PCDH15: variants seen among roughly 807,000 people sequenced by gnomAD.
The protein encoded by PCDH15 is protocadherin related 15.
In PCDH15, 129 loss-of-function variants were observed where a neutral mutation model predicts 178.5. The ratio of observed to expected loss-of-function variants is 0.72; its 90% confidence interval spans 0.63 to 0.84. PCDH15 has a LOEUF of 0.84. PCDH15 is among the 40% of genes least tolerant of loss of function. PCDH15 has a pLI of 0.00. For missense variants in PCDH15, 2,230 were observed against 2,099.9 expected, an observed-to-expected ratio of 1.06 and a Z score of -1.21; for synonymous variants, 800 against 732.0, an observed-to-expected ratio of 1.09 and a Z score of -1.50.
At chr10:55,442,470 T>TATTATATATATATAATA (rs5785132) in intron 2 of PCDH15, among the ~76,000 whole-genome samples, 1 of 124,698 alleles carries the variant, frequency 8.0e-6, no homozygotes, top group African/African-American at 3.2e-5. Flanking sequence ...TATATATATA[T>TATTATATATATATAATA]TATATATATA....
At chr10:54,014,717 C>T (rs774496961) in intron 20 of PCDH15, among the ~76,000 whole-genome samples, 21 of 152,108 alleles carry the variant, frequency 1.4e-4, no homozygotes, top group Non-Finnish European at 2.9e-4. Flanking sequence ...CACATACTTT[C>T]ATGTTAAGAA....
At chr10:54,099,511 A>ATATATAT (rs2094766657) in intron 15 of PCDH15, among the ~76,000 whole-genome samples, 1 of 126,804 alleles carries the variant, frequency 7.9e-6, no homozygotes, top group African/African-American at 3.3e-5. Flanking sequence ...AAAAAAAAAA[A>ATATATAT]AAATATATAT....
At chr10:54,219,837 C>T (rs910337141) in intron 9 of PCDH15, among the ~76,000 whole-genome samples, 1 of 151,722 alleles carries the variant, frequency 6.6e-6, no homozygotes, top group Non-Finnish European at 1.5e-5. Flanking sequence ...TCAGAATGCT[C>T]TAAAAATAGT....
intron 2 of PCDH15, among the ~76,000 whole-genome samples, chr10:55,518,912 G>A (rs1217830330): frequency 6.6e-6 from 1 of 151,626 alleles, no homozygotes; most frequent in African/African-American, 2.4e-5. Context: ...GGCCAACATG[G>A]TGAAACCCCG....
intron 16 of PCDH15, 56 bp from the exon 17 acceptor site, chr10:54,079,480 G>C: frequency 2.0e-6 from 3 of 1,493,202 alleles, no homozygotes; most frequent in Admixed American, 1.7e-5. Context: ...GTCACAAGGA[G>C]AGTCTTCTTA....
chr10:55,457,491 G>A (rs1036197500), intron 2 of PCDH15, among the ~76,000 whole-genome samples: 3 of 151,964 alleles, frequency 2.0e-5, no homozygotes, highest in South Asian at 2.1e-4. Flanking sequence ...ACAGTTTTTA[G>A]AGAAAAGGCA....
chr10:55,544,792 A>G (rs1226998066), intron 2 of PCDH15, among the ~76,000 whole-genome samples: 1 of 152,180 alleles, frequency 6.6e-6, no homozygotes, highest in Non-Finnish European at 1.5e-5. Flanking sequence ...ACACACACAG[A>G]AACACATACA....
intron 2 of PCDH15, among the ~76,000 whole-genome samples, chr10:55,102,173 A>T (rs764290924): frequency 1.2e-4 from 18 of 152,202 alleles, no homozygotes; most frequent in Non-Finnish European, 2.5e-4. Flanking sequence ...TTGTATAATT[A>T]ACCTTTGTTT....
chr10:54,828,953 T>C (rs1301563330), intron 3 of PCDH15, among the ~76,000 whole-genome samples: 1 of 151,938 alleles, frequency 6.6e-6, no homozygotes, highest in Non-Finnish European at 1.5e-5. Flanking sequence ...AAAGTCCCTG[T>C]TTGACACACC....
intron 3 of PCDH15, among the ~76,000 whole-genome samples, chr10:54,830,373 G>T (rs1591726936): frequency 6.6e-6 from 1 of 152,136 alleles, no homozygotes; most frequent in African/African-American, 2.4e-5. Context: ...ACAAAATGTG[G>T]CACATATACA....
At chr10:54,254,133 T>A (rs1261340610) in intron 8 of PCDH15, among the ~76,000 whole-genome samples, 2 of 152,100 alleles carry the variant, frequency 1.3e-5, no homozygotes, top group Non-Finnish European at 2.9e-5. Flanking sequence ...AAACTCTATC[T>A]GTTTCTTGGT....
At chr10:55,549,670 A>G (rs965660825) in intron 2 of PCDH15, among the ~76,000 whole-genome samples, 4 of 152,150 alleles carry the variant, frequency 2.6e-5, no homozygotes, top group Admixed American at 1.3e-4. Flanking sequence ...TGATGCACTG[A>G]CTTTTCAATG....
intron 2 of PCDH15, among the ~76,000 whole-genome samples, chr10:55,375,701 T>C (rs1265307841): frequency 6.6e-6 from 1 of 152,068 alleles, no homozygotes; most frequent in Admixed American, 6.6e-5. Context: ...GACAAAAGCT[T>C]TTTGTTAGCT....
At chr10:54,763,509 T>C (rs1245807747) in intron 1 of PCDH15, among the ~76,000 whole-genome samples, 5 of 152,006 alleles carry the variant, frequency 3.3e-5, no homozygotes, top group Non-Finnish European at 5.9e-5. Flanking sequence ...GGACCAAACA[T>C]ACAGTTAGGT....
rs139175351 is a variant in PCDH15, at chr10:54,020,215, C to A, written c.2728G>T (p.Ala910Ser). The A allele has an allele frequency of 5.8e-5, 93 of 1,613,584 alleles. No individual in the cohort carries two copies. The African/African-American group carries it at 9.6e-4, about 17-fold the overall frequency. The change falls in exon 20 of 38, where the codon GCT becomes TCT. Residue 910 changes from alanine to serine, a missense_variant. Transcript: ENST00000644397. The stretch of plus-strand genomic sequence containing the variant: ...ACCTTTACAATCACTGTGACAGTAG[C>A]AATACCAGGTGGCATTGTTCCATAA... Reference protein sequence around the residue: ...DIYGTMPPGIATVTVIVKDMN... With the variant: ...DIYGTMPPGISTVTVIVKDMN...
intron 3 of PCDH15, among the ~76,000 whole-genome samples, chr10:54,520,013 T>G (rs531670906): frequency 3.3e-5 from 5 of 152,270 alleles, no homozygotes; most frequent in South Asian, 4.1e-4. Context: ...TAGCCATATG[T>G]AGAAAGCTGA....
intron 3 of PCDH15, among the ~76,000 whole-genome samples, chr10:54,874,897 A>G (rs1252735388): frequency 6.6e-6 from 1 of 152,130 alleles, no homozygotes; most frequent in Non-Finnish European, 1.5e-5. Flanking sequence ...GAGAAATCTC[A>G]TTGTTTATTG....
At chr10:54,046,640 T>C (rs1175774255) in intron 18 of PCDH15, among the ~76,000 whole-genome samples, 1 of 152,082 alleles carries the variant, frequency 6.6e-6, no homozygotes, top group African/African-American at 2.4e-5. Context: ...GAAATTAACA[T>C]AGTGGTTAAC....
At chr10:53,909,099 G>T (rs963952085) in intron 25 of PCDH15, among the ~76,000 whole-genome samples, 7 of 152,170 alleles carry the variant, frequency 4.6e-5, no homozygotes, top group Admixed American at 4.6e-4. Flanking sequence ...GAACCTGGTG[G>T]GAGGTGATCA....
Sources: allele counts gnomAD v4.1 joint callset (sites outside exome capture counted in the v4.1 genomes callset), GRCh38; gene constraint gnomAD v4.1.1; transcripts MANE v1.5; gene names NCBI Gene and HGNC (gene_info 2026-07-23, HGNC 2026-07-21).